NPAS3: variants seen among roughly 807,000 people sequenced by gnomAD.
The protein encoded by NPAS3 is neuronal PAS domain-containing protein 3.
In NPAS3, 14 loss-of-function variants were observed where a neutral mutation model predicts 73.1. That is an observed-to-expected ratio of 0.19 (90% confidence interval 0.13 to 0.30). NPAS3 has a LOEUF of 0.30. NPAS3 is among the 10% of genes least tolerant of loss of function. The pLI is 1.00. For missense variants in NPAS3, 1,096 were observed against 1,250.0 expected (o/e 0.88, Z 1.86); for synonymous variants, 620 against 541.5 (o/e 1.14, Z -2.01).
At chr14:33,574,675 G>A (rs192929860) in intron 5 of NPAS3, among the ~76,000 whole-genome samples, 5 of 152,180 alleles carry the variant, frequency 3.3e-5, no homozygotes, top group African/African-American at 1.2e-4. Context: ...TTTAAGTGGA[G>A]AAGCTGGGGT....
At chr14:33,584,850 A>G (rs11156804) in intron 5 of NPAS3, among the ~76,000 whole-genome samples, 51,030 of 152,050 alleles carry the variant, frequency 0.34, 8,753 homozygotes, top group South Asian at 0.4. Context: ...ATTTATGACT[A>G]CCTATTAACA....
chr14:33,576,890 C>G (rs1245814154), intron 5 of NPAS3, among the ~76,000 whole-genome samples: 7 of 152,160 alleles, frequency 4.6e-5, no homozygotes, highest in Non-Finnish European at 1.5e-5. Flanking sequence ...AAAACTTAAG[C>G]CTTACATTGC....
intron 3 of NPAS3, among the ~76,000 whole-genome samples, chr14:33,226,716 G>A (rs4982062): frequency 0.29 from 44,113 of 152,050 alleles, 7,371 homozygotes; most frequent in South Asian, 0.46. Context: ...GAATGCTACC[G>A]TACTAAGTGC....
chr14:32,972,032 G>A (rs1426803618), intron 1 of NPAS3, among the ~76,000 whole-genome samples: 1 of 145,948 alleles, frequency 6.9e-6, no homozygotes, highest in Non-Finnish European at 1.5e-5. Flanking sequence ...TCCACCTCCT[G>A]GGTTCACGCC....
intron 2 of NPAS3, among the ~76,000 whole-genome samples, chr14:33,189,758 T>A (rs547864542): frequency 5.2e-4 from 79 of 152,358 alleles, no homozygotes; most frequent in Non-Finnish European, 1.0e-3. Context: ...TTTATAGATC[T>A]AAATACTTGG....
chr14:33,000,052 G>A (rs891219152), intron 1 of NPAS3, among the ~76,000 whole-genome samples: 4 of 152,178 alleles, frequency 2.6e-5, no homozygotes, highest in African/African-American at 9.7e-5. Flanking sequence ...TCTGCTGGGG[G>A]AATAGAGAAT....
chr14:32,960,115 T>C (rs576823440), intron 1 of NPAS3, among the ~76,000 whole-genome samples: 1 of 152,042 alleles, frequency 6.6e-6, no homozygotes, highest in African/African-American at 2.4e-5. Flanking sequence ...ATGATAGTAA[T>C]AAAACATGTG....
At chr14:33,802,690 G>C (rs1310274369), downstream of NPAS3, 1 of 152,276 alleles carries the variant, frequency 6.6e-6, no homozygotes, top group Non-Finnish European at 1.5e-5. Flanking sequence ...CTCTAGTCCG[G>C]AGTGGTACAG....
intron 5 of NPAS3, among the ~76,000 whole-genome samples, chr14:33,656,805 A>G (rs1381590734): frequency 6.6e-6 from 1 of 152,212 alleles, no homozygotes. Flanking sequence ...TTAGATCTCT[A>G]GAACTTATTC....
rs75815859 is a variant in NPAS3, at chr14:33,145,713, C to T, written c.141-69469C>T. 5.6e-3 allele frequency among the ~76,000 whole-genome samples: 847 copies of T among 152,058 alleles called. 5 individuals are homozygous for T. Among genetic ancestry groups the T allele is most frequent in the African/African-American group, 0.019 (801 of 41,498 alleles). ...ATGTACTGTGTCCTTTTTGTTTTTCCTATTGCCTATTCGTTTCTTTCCTTA... is the reference window on the plus strand; with the variant it reads ...ATGTACTGTGTCCTTTTTGTTTTTCTTATTGCCTATTCGTTTCTTTCCTTA... On this transcript the variant is annotated intron_variant, in intron 2 of 11. Transcript: ENST00000356141.
chr14:33,140,489 C>T lies in NPAS3; in HGVS notation c.141-74693C>T, dbSNP rs549149151. On this transcript the variant is annotated intron_variant, in intron 2 of 11. Coordinates refer to ENST00000356141, the Ensembl canonical transcript of NPAS3. ...TCCCGTTACTCACTGGCCAGTGTGT[C>T]TTATTTCTTTCTAGAAGTGTTGGTG... Among the ~76,000 whole-genome samples the T allele has an allele frequency of 6.6e-5, 10 of 152,212 alleles. No homozygotes were observed. In the South Asian group the frequency reaches 2.1e-3, roughly 32 times the overall value.
intron 6 of NPAS3, among the ~76,000 whole-genome samples, chr14:33,707,415 G>T (rs2060687744): frequency 6.6e-6 from 1 of 151,904 alleles, no homozygotes; most frequent in African/African-American, 2.4e-5. Flanking sequence ...CGCTGTGCAA[G>T]ACCCAGGAAC....
At position 33,232,847 on chromosome 14, in the gene NPAS3, A is replaced by G. The variant is rs138811517; in HGVS notation, c.385+17421A>G. 3.1e-4 allele frequency among the ~76,000 whole-genome samples: 47 copies of G among 150,862 alleles called. 1 individual carries two copies. Among genetic ancestry groups the G allele is most frequent in the African/African-American group, 9.4e-4 (39 of 41,458 alleles). On this transcript the variant is annotated intron_variant, in intron 3 of 11. Coordinates refer to ENST00000356141, the Ensembl canonical transcript of NPAS3. ...CACAGAAAAGCAGCCAGTGCAAAGC[A>G]GATATTTAAGTACAGGTTTCTCAGA...
intron 4 of NPAS3, among the ~76,000 whole-genome samples, chr14:33,539,458 T>C (rs193004711): frequency 6.6e-6 from 1 of 152,126 alleles, no homozygotes; most frequent in Admixed American, 6.6e-5. Flanking sequence ...TTAACCTCAG[T>C]GTCTCATTTT....
At chr14:33,351,549 A>T (rs2045052940) in intron 3 of NPAS3, among the ~76,000 whole-genome samples, 2 of 152,372 alleles carry the variant, frequency 1.3e-5, no homozygotes, top group Middle Eastern at 6.8e-3. Flanking sequence ...TTGAAGATTT[A>T]AAAATGTCTA....
intron 4 of NPAS3, among the ~76,000 whole-genome samples, chr14:33,372,347 C>T (rs1291538495): frequency 6.6e-6 from 1 of 152,070 alleles, no homozygotes; most frequent in African/African-American, 2.4e-5. Flanking sequence ...CTCTGCTGTG[C>T]ATATCTAATT....
intron 2 of NPAS3, among the ~76,000 whole-genome samples, chr14:33,157,521 G>C (rs1246858699): frequency 6.6e-6 from 1 of 152,088 alleles, no homozygotes; most frequent in Non-Finnish European, 1.5e-5. Flanking sequence ...TAGTGGTGAG[G>C]TATAATCACA....
At chr14:33,467,531 T>C (rs1035079904) in intron 4 of NPAS3, among the ~76,000 whole-genome samples, 11 of 152,226 alleles carry the variant, frequency 7.2e-5, no homozygotes, top group Non-Finnish European at 1.2e-4. Flanking sequence ...AAAAGTCAGC[T>C]TGAAACAGCT....
chr14:33,614,569 C>T (rs951017228), intron 5 of NPAS3, among the ~76,000 whole-genome samples: 1 of 152,094 alleles, frequency 6.6e-6, no homozygotes, highest in Non-Finnish European at 1.5e-5. Flanking sequence ...AAATCAGCCT[C>T]GTTCAAAAAC....
Sources: allele counts gnomAD v4.1 joint callset (sites outside exome capture counted in the v4.1 genomes callset), GRCh38; gene constraint gnomAD v4.1.1; transcripts MANE v1.5; gene names NCBI Gene and HGNC (gene_info 2026-07-23, HGNC 2026-07-21).